The following MAGI2 variants were observed in gnomAD, a reference collection of about 807,000 sequenced individuals.
The protein encoded by MAGI2 is membrane associated guanylate kinase, WW and PDZ domain containing 2, also known as membrane-associated guanylate kinase, WW and PDZ domain-containing protein 2.
In MAGI2, 35 loss-of-function variants were observed where a neutral mutation model predicts 133.3. The ratio of observed to expected loss-of-function variants is 0.26; its 90% CI spans 0.20 to 0.35. The LOEUF is 0.35. MAGI2 is among the 10% of genes least tolerant of loss of function. The pLI is 1.00. For synonymous variants in MAGI2, 729 were observed against 710.6 expected (o/e 1.03, Z -0.41); for missense variants, 1,636 against 1,863.4 (o/e 0.88, Z 2.25).
At chr7:78,573,035 GTATATA>G (rs765938732) in intron 3 of MAGI2, among the ~76,000 whole-genome samples, 3,687 of 31,462 alleles carry the variant, frequency 0.12, 210 homozygotes, top group East Asian at 0.27. Context: ...GCATATGTAT[GTATATA>G]TATATATATA....
chr7:78,341,697 C>A (rs998636740), intron 9 of MAGI2, among the ~76,000 whole-genome samples: 1 of 152,078 alleles, frequency 6.6e-6, no homozygotes, highest in African/African-American at 2.4e-5. Flanking sequence ...CTGAAGAAAA[C>A]AAGCAATGGG....
chr7:79,322,880 A>C (rs548540634), intron 1 of MAGI2, among the ~76,000 whole-genome samples: 1 of 152,096 alleles, frequency 6.6e-6, no homozygotes, highest in African/African-American at 2.4e-5. Context: ...AGTGTTACCA[A>C]TTGATTTTTG....
chr7:78,666,824 C>G (rs1410095607), intron 2 of MAGI2, among the ~76,000 whole-genome samples: 2 of 152,156 alleles, frequency 1.3e-5, no homozygotes, highest in Non-Finnish European at 2.9e-5. Flanking sequence ...GGGCACCCTT[C>G]TAGTAGCTGT....
chr7:78,605,920 A>G (rs917206760), intron 3 of MAGI2, among the ~76,000 whole-genome samples: 3 of 152,188 alleles, frequency 2.0e-5, no homozygotes, highest in Non-Finnish European at 4.4e-5. Context: ...TTACTCCAGC[A>G]TCAAGAGAGA....
At chr7:78,237,651 AT>A (rs927207382) in intron 10 of MAGI2, among the ~76,000 whole-genome samples, 9 of 152,000 alleles carry the variant, frequency 5.9e-5, no homozygotes, top group East Asian at 3.9e-4. Context: ...AGTTCTTTTT[AT>A]TTTTTTTATG....
intron 2 of MAGI2, among the ~76,000 whole-genome samples, chr7:78,908,887 C>T (rs1350147627): frequency 1.3e-5 from 2 of 151,968 alleles, no homozygotes; most frequent in African/African-American, 4.8e-5. Context: ...CAATACCATT[C>T]GGGACATAGG....
intron 1 of MAGI2, among the ~76,000 whole-genome samples, chr7:79,322,917 G>A (rs1268118752): frequency 6.6e-6 from 1 of 152,066 alleles, no homozygotes; most frequent in Non-Finnish European, 1.5e-5. Flanking sequence ...GTTCAGGCTG[G>A]AGCCTCTAAC....
At chr7:79,155,531 A>G (rs1445562247) in intron 1 of MAGI2, among the ~76,000 whole-genome samples, 1 of 152,170 alleles carries the variant, frequency 6.6e-6, no homozygotes, top group Non-Finnish European at 1.5e-5. Flanking sequence ...GGTAACAAAA[A>G]AATTTAAGTA....
chr7:78,761,091 C>T (rs1824461532), intron 2 of MAGI2, among the ~76,000 whole-genome samples: 1 of 152,158 alleles, frequency 6.6e-6, no homozygotes, highest in African/African-American at 2.4e-5. Context: ...GGAAGCTGTC[C>T]AACTTTTATA....
In MAGI2 at chr7:78,019,935, C is replaced by T. The variant is rs774611473; in HGVS notation, c.3748G>A (p.Gly1250Ser). The T allele has an allele frequency of 1.2e-6, 2 of 1,609,492 alleles. No individual in the cohort carries two copies. Among genetic ancestry groups the T allele is most frequent in the South Asian group, 1.1e-5 (1 of 90,222 alleles). ...PWSSPAAAAP[G>S]LPEVGVSLDD... ...AGGGAGACGCCTACTTCCGGCAGACCTGGGGCGGCGGCAGCGGGAGAACTC... is the reference window on the plus strand; with the variant it reads ...AGGGAGACGCCTACTTCCGGCAGACTTGGGGCGGCGGCAGCGGGAGAACTC... The change falls in exon 22 of 22, where the codon GGT becomes AGT. Residue 1250 changes from glycine to serine, a missense_variant. By Grantham distance (56) the Gly-to-Ser change is moderately conservative. Coordinates refer to ENST00000354212, the MANE Select transcript of MAGI2 (RefSeq NM_012301.4).
At chr7:78,154,621 T>C (rs1824207454) in intron 16 of MAGI2, among the ~76,000 whole-genome samples, 1 of 152,120 alleles carries the variant, frequency 6.6e-6, no homozygotes, top group Non-Finnish European at 1.5e-5. Flanking sequence ...CCACCACCGA[T>C]ACCCAAGCTG....
At chr7:79,419,491 G>T (rs1287725354) in intron 1 of MAGI2, among the ~76,000 whole-genome samples, 1 of 151,960 alleles carries the variant, frequency 6.6e-6, no homozygotes, top group African/African-American at 2.4e-5. Context: ...ACTTAAGTAG[G>T]GACAAAATGT....
intron 21 of MAGI2, among the ~76,000 whole-genome samples, chr7:78,021,017 A>T (rs1411297791): frequency 1.3e-5 from 2 of 152,170 alleles, no homozygotes; most frequent in African/African-American, 4.8e-5. Flanking sequence ...ACATCAAAAC[A>T]CATATAAAAC....
At chr7:79,232,005 G>T (rs1831415070) in intron 1 of MAGI2, among the ~76,000 whole-genome samples, 1 of 152,058 alleles carries the variant, frequency 6.6e-6, no homozygotes, top group South Asian at 2.1e-4. Context: ...TAGCATGAAG[G>T]TTGTTGAATT....
chr7:79,292,311 C>T (rs1447223523), intron 1 of MAGI2, among the ~76,000 whole-genome samples: 1 of 151,902 alleles, frequency 6.6e-6, no homozygotes, highest in Non-Finnish European at 1.5e-5. Context: ...GTTTTGATTA[C>T]TGTATCTTTG....
chr7:79,442,462 G>GTGTA (rs931828744), intron 1 of MAGI2, among the ~76,000 whole-genome samples: 3 of 151,554 alleles, frequency 2.0e-5, no homozygotes, highest in Middle Eastern at 3.2e-3. Flanking sequence ...GTGTGTGTGT[G>GTGTA]TGTGTGTGTG....
At chr7:78,915,821 T>C (rs1182908726) in intron 2 of MAGI2, among the ~76,000 whole-genome samples, 1 of 151,904 alleles carries the variant, frequency 6.6e-6, no homozygotes, top group Non-Finnish European at 1.5e-5. Flanking sequence ...ATATAGATAA[T>C]AATATGGCAA....
At chr7:79,132,704 TG>T (rs1203350639) in intron 1 of MAGI2, among the ~76,000 whole-genome samples, 3 of 152,136 alleles carry the variant, frequency 2.0e-5, no homozygotes, top group Admixed American at 6.6e-5. Context: ...TTTAGCTCTA[TG>T]AGGTAAAAGT....
intron 21 of MAGI2, among the ~76,000 whole-genome samples, chr7:78,076,213 T>A (rs1414653515): frequency 6.6e-6 from 1 of 151,850 alleles, no homozygotes; most frequent in Non-Finnish European, 1.5e-5. Context: ...TCCCAGCACT[T>A]TGGAAGGCTG....
Sources: allele counts gnomAD v4.1 joint callset (sites outside exome capture counted in the v4.1 genomes callset), GRCh38; gene constraint gnomAD v4.1.1; transcripts MANE v1.5; gene names NCBI Gene and HGNC (gene_info 2026-07-23, HGNC 2026-07-21).